MAML3: variants seen among roughly 807,000 people sequenced by gnomAD.
MAML3 encodes the protein mastermind like transcriptional coactivator 3.
A neutral mutation model predicts 101.9 loss-of-function variants in MAML3; 27 were observed. That is an observed-to-expected ratio of 0.27 (90% CI 0.20 to 0.37). The LOEUF is 0.37. Among genes scored for constraint, MAML3 ranks in the 10% least tolerant of loss-of-function variants. MAML3 has a pLI of 1.00. For synonymous variants in MAML3, 501 were observed against 555.9 expected, an observed-to-expected ratio of 0.90 and a Z score of 1.39; for missense variants, 1,316 against 1,444.9, an observed-to-expected ratio of 0.91 and a Z score of 1.45.
chr4:139,876,618 A>G (rs916159796), intron 2 of MAML3, among the ~76,000 whole-genome samples: 3 of 152,242 alleles, frequency 2.0e-5, no homozygotes, highest in South Asian at 2.1e-4. Context: ...TCTGTGGCAC[A>G]TGTAACTCAT....
At chr4:139,925,069 C>G (rs1015065820) in intron 1 of MAML3, among the ~76,000 whole-genome samples, 3 of 151,928 alleles carry the variant, frequency 2.0e-5, no homozygotes, top group Non-Finnish European at 4.4e-5. Context: ...AAAATGAGAC[C>G]TTTAGAGCAA....
At chr4:139,838,423 TG>T (rs1731299668) in intron 2 of MAML3, among the ~76,000 whole-genome samples, 1 of 152,200 alleles carries the variant, frequency 6.6e-6, no homozygotes, top group Non-Finnish European at 1.5e-5. Flanking sequence ...AGTCTAATTT[TG>T]GGGAGGAGCG....
At chr4:140,150,917 T>C (rs560711705) in intron 1 of MAML3, among the ~76,000 whole-genome samples, 1 of 151,928 alleles carries the variant, frequency 6.6e-6, no homozygotes, top group South Asian at 2.1e-4. Flanking sequence ...ACTCGAACTG[T>C]CGTTCTTCCT....
chr4:140,025,847 G>C (rs996118228), intron 1 of MAML3, among the ~76,000 whole-genome samples: 1 of 152,172 alleles, frequency 6.6e-6, no homozygotes, highest in Non-Finnish European at 1.5e-5. Flanking sequence ...GTGTTTTGGC[G>C]TTTAAAAACC....
chr4:140,129,018 G>A (rs1728735192), intron 1 of MAML3, among the ~76,000 whole-genome samples: 1 of 152,028 alleles, frequency 6.6e-6, no homozygotes, highest in Admixed American at 6.6e-5. Flanking sequence ...AGCCTCAGGA[G>A]CAATAATGTC....
Position 140,152,960 on chromosome 4 carries a change from T to C in MAML3, c.368A>G (p.Lys123Arg). The C allele has an allele frequency of 1.2e-6, 2 of 1,612,098 alleles. No individual in the cohort carries two copies. Among genetic ancestry groups the C allele is most frequent in the Non-Finnish European group, 1.7e-6 (2 of 1,179,304 alleles). ...LYQRTLEQRA[K>R]KSGAGTGKQQ... ...TTTGCCGGTGCCGGCGCCCGATTTC[T>C]TGGCCCTCTGCTCCAGGGTCCGCTG... The change falls in exon 1 of 5, where the codon AAG (lysine) becomes AGG (arginine). Residue 123 changes from lysine (K) to arginine (R), a missense_variant. Coordinates refer to ENST00000509479, the MANE Select transcript of MAML3 (RefSeq NM_018717.5).
chr4:140,070,331 C>A (rs940523902), intron 1 of MAML3, among the ~76,000 whole-genome samples: 4 of 151,992 alleles, frequency 2.6e-5, no homozygotes, highest in Non-Finnish European at 5.9e-5. Flanking sequence ...ATATTTTAGC[C>A]CAAGTACTTT....
intron 2 of MAML3, among the ~76,000 whole-genome samples, chr4:139,799,426 A>C (rs1730568102): frequency 6.6e-6 from 1 of 152,236 alleles, no homozygotes; most frequent in Non-Finnish European, 1.5e-5. Flanking sequence ...AAATCAAAAC[A>C]TAACTAGACA....
In MAML3 at chr4:139,890,221, G is replaced by T. The variant is rs201829906; in HGVS notation, c.1215C>A (p.Asn405Lys). 840 of 1,613,556 alleles carry T rather than the reference G, an allele frequency of 5.2e-4. 2 individuals are homozygous for T. The highest frequency in any genetic ancestry group is 3.9e-4 in the Non-Finnish European group (462 of 1,179,880). The change falls in exon 2 of 5, where the codon AAC (asparagine) becomes AAA (lysine). Residue 405 changes from asparagine (N) to lysine (K), a missense_variant. Asn to Lys is a moderately conservative substitution (Grantham distance 94, BLOSUM62 0). Coordinates refer to ENST00000509479, the MANE Select transcript of MAML3 (RefSeq NM_018717.5). This position sits in a 1 kb window ranked among gnomAD's most constrained non-coding sequence, Gnocchi z 4.1. ...PSVASTPAAP[N>K]PASSPANCAV... ...CACAGTTTGCTGGTGAGCTTGCAGG[G>T]TTTGGAGCTGCGGGAGTGCTGGCAA...
intron 1 of MAML3, among the ~76,000 whole-genome samples, chr4:140,097,062 C>T (rs1376861005): frequency 2.0e-5 from 3 of 152,138 alleles, no homozygotes; most frequent in African/African-American, 4.8e-5. Context: ...CAGCCTAAAA[C>T]AGCCCAATAC....
chr4:139,811,207 T>C (rs760121284), intron 2 of MAML3, among the ~76,000 whole-genome samples: 2 of 152,190 alleles, frequency 1.3e-5, no homozygotes, highest in Non-Finnish European at 2.9e-5. Context: ...TTCTAACATA[T>C]AAACAAAGCA....
intron 2 of MAML3, among the ~76,000 whole-genome samples, chr4:139,803,330 A>G (rs546232741): frequency 2.4e-4 from 37 of 152,264 alleles, no homozygotes; most frequent in Non-Finnish European, 4.8e-4. Flanking sequence ...ATTTTTTAAA[A>G]TCATAGTTTA....
At chr4:139,776,446 T>C (rs547630242) in intron 2 of MAML3, among the ~76,000 whole-genome samples, 61 of 152,156 alleles carry the variant, frequency 4.0e-4, no homozygotes, top group African/African-American at 1.4e-3. Context: ...AGGTGATAAG[T>C]GATTAGAAAG....
rs564894810 is a variant in MAML3 at position 140,129,084 on chromosome 4, C to T, written c.468+23776G>A. On this transcript the variant is annotated intron_variant, in intron 1 of 4. Coordinates refer to ENST00000509479, the MANE Select transcript of MAML3 (RefSeq NM_018717.5). ...AACTGTGACAAATCAACAAAACTCTCGGGGGACTCAGTAGCCTCATCTTTT... is the reference window on the plus strand; with the variant it reads ...AACTGTGACAAATCAACAAAACTCTTGGGGGACTCAGTAGCCTCATCTTTT... Among the ~76,000 whole-genome samples, 9 of 152,186 alleles carry T rather than the reference C, an allele frequency of 5.9e-5. No individual in the cohort carries two copies. In the South Asian group the frequency reaches 6.2e-4, roughly 11 times the overall value.
chr4:140,011,114 T>A, intron 1 of MAML3, among the ~76,000 whole-genome samples: 1 of 78,536 alleles, frequency 1.3e-5, no homozygotes, highest in African/African-American at 4.2e-5. Context: ...AAAAAAAAAG[T>A]GTGTGTGTAT....
intron 1 of MAML3, among the ~76,000 whole-genome samples, chr4:139,978,882 G>C (rs1734394792): frequency 6.6e-6 from 1 of 151,980 alleles, no homozygotes. Context: ...ATTTCCAGAT[G>C]GCACTGAAAC....
chr4:139,759,613 G>A (rs1729714860), intron 2 of MAML3, among the ~76,000 whole-genome samples: 1 of 152,172 alleles, frequency 6.6e-6, no homozygotes. Flanking sequence ...AGATGTTAGA[G>A]GCTGTCTCTA....
At chr4:139,843,707 T>C (rs1421999503) in intron 2 of MAML3, among the ~76,000 whole-genome samples, 1 of 152,270 alleles carries the variant, frequency 6.6e-6, no homozygotes, top group Non-Finnish European at 1.5e-5. Context: ...AGTCTTCTAA[T>C]GAAATTGCTA....
chr4:140,132,711 C>T (rs1459617363), intron 1 of MAML3, among the ~76,000 whole-genome samples: 1 of 152,154 alleles, frequency 6.6e-6, no homozygotes, highest in Non-Finnish European at 1.5e-5. Context: ...CACGAACATC[C>T]CTGAAAACAT....
Sources: allele counts gnomAD v4.1 joint callset (sites outside exome capture counted in the v4.1 genomes callset), GRCh38; gene constraint gnomAD v4.1.1; non-coding constraint Gnocchi (gnomAD v3.1); transcripts MANE v1.5; gene names NCBI Gene and HGNC (gene_info 2026-07-23, HGNC 2026-07-21).